ADGRL3: variants seen among roughly 807,000 people sequenced by gnomAD.
ADGRL3 encodes the protein adhesion G protein-coupled receptor L3.
Under a neutral mutation model 153.5 loss-of-function variants are expected in ADGRL3, and 62 were observed. The ratio of observed to expected loss-of-function variants is 0.40; its 90% CI spans 0.33 to 0.50. The LOEUF (loss-of-function observed/expected upper bound fraction) is 0.50, where lower values mean the gene tolerates loss of function less well. Among genes scored for constraint, ADGRL3 ranks in the 20% least tolerant of loss-of-function variants. The probability of loss-of-function intolerance (pLI) is 0.47; values close to 1 mark genes in which losing one functional copy is unlikely to be tolerated. For missense variants in ADGRL3, 1,641 were observed against 1,859.4 expected (o/e 0.88, Z 2.16); for synonymous variants, 710 against 672.5 (o/e 1.06, Z -0.86).
chr4:61,367,253 A>G (rs1369399669), intron 1 of ADGRL3, among the ~76,000 whole-genome samples: 1 of 150,610 alleles, frequency 6.6e-6, no homozygotes, highest in African/African-American at 2.4e-5. Flanking sequence ...TTTTATTATT[A>G]TACTTTAAGT....
chr4:61,563,083 A>G (rs1020523383), intron 4 of ADGRL3, among the ~76,000 whole-genome samples: 1 of 152,154 alleles, frequency 6.6e-6, no homozygotes, highest in Non-Finnish European at 1.5e-5. Context: ...ATATAACACT[A>G]AAATCTTATA....
intron 25 of ADGRL3, among the ~76,000 whole-genome samples, chr4:62,054,821 C>G (rs1008450370): frequency 6.6e-6 from 1 of 151,506 alleles, no homozygotes; most frequent in Non-Finnish European, 1.5e-5. Flanking sequence ...AAGATAAGAA[C>G]AGGCAACTCA....
At chr4:61,972,589 C>T (rs148675640) in intron 17 of ADGRL3, among the ~76,000 whole-genome samples, 4,614 of 152,130 alleles carry the variant, frequency 0.03, 181 homozygotes, top group East Asian at 0.18. Context: ...AGTCAGGTAG[C>T]GTGATGCCTC....
chr4:61,759,222 G>A (rs140441306), intron 8 of ADGRL3, among the ~76,000 whole-genome samples: 4,913 of 152,154 alleles, frequency 0.032, 242 homozygotes, highest in African/African-American at 0.11. Context: ...TTGGCCTGCC[G>A]TGCTAGGTTG....
intron 2 of ADGRL3, among the ~76,000 whole-genome samples, chr4:61,408,399 G>C (rs1342289237): frequency 3.3e-5 from 5 of 150,904 alleles, no homozygotes; most frequent in African/African-American, 1.2e-4. Flanking sequence ...GCCCATGGGG[G>C]TATTAGCTGC....
chr4:61,925,313 A>G (rs937384768), intron 13 of ADGRL3, among the ~76,000 whole-genome samples: 1 of 151,976 alleles, frequency 6.6e-6, no homozygotes, highest in Non-Finnish European at 1.5e-5. Context: ...TTGCCCCTCT[A>G]TTTTGTTAGT....
Position 61,985,644 on chromosome 4 carries a change from G to A in ADGRL3, c.3236+2041G>A, listed in dbSNP as rs571836361. 4.6e-5 allele frequency among the ~76,000 whole-genome samples: 7 copies of A among 152,206 alleles called. No homozygotes were observed. The East Asian group carries it at 5.8e-4, about 13-fold the overall frequency. ...AAGTGAGGATTCATAAAAAGGGAACGACAAGAAGAGGACGCCAGAATTATT... is the reference window on the plus strand; with the variant it reads ...AAGTGAGGATTCATAAAAAGGGAACAACAAGAAGAGGACGCCAGAATTATT... On this transcript the variant is annotated intron_variant, in intron 19 of 26. Coordinates refer to ENST00000683033, the MANE Select transcript of ADGRL3 (RefSeq NM_001387552.1).
chr4:61,767,142 G>A (rs572496700), intron 8 of ADGRL3, among the ~76,000 whole-genome samples: 27 of 151,968 alleles, frequency 1.8e-4, no homozygotes, highest in Admixed American at 3.9e-4. Context: ...TATACTTGTG[G>A]GTTAAGGTTG....
chr4:62,024,668 C>T (rs574353691), intron 21 of ADGRL3, among the ~76,000 whole-genome samples: 8 of 151,992 alleles, frequency 5.3e-5, no homozygotes, highest in Admixed American at 2.6e-4. Context: ...CGGTAGCTCA[C>T]GCCTGTAATC....
At chr4:61,514,921 C>A (rs751020493) in intron 3 of ADGRL3, among the ~76,000 whole-genome samples, 28 of 151,884 alleles carry the variant, frequency 1.8e-4, no homozygotes, top group Admixed American at 1.1e-3. Flanking sequence ...ATGCTTGATT[C>A]CATTGTTTAT....
Position 61,922,613 on chromosome 4 carries a change from C to T in ADGRL3, c.2112+9856C>T, listed in dbSNP as rs900115253. On this transcript the variant is annotated intron_variant, in intron 13 of 26. Coordinates refer to ENST00000683033, the MANE Select transcript of ADGRL3 (RefSeq NM_001387552.1). ...AGGCTGTGGCAGTTTTTCAGACTTTCCAACAAGTATGTCCTTTTCAAAGTC... is the reference window on the plus strand; with the variant it reads ...AGGCTGTGGCAGTTTTTCAGACTTTTCAACAAGTATGTCCTTTTCAAAGTC... Among the ~76,000 whole-genome samples, 21 of 152,234 alleles carry T rather than the reference C, an allele frequency of 1.4e-4. No homozygotes were observed. The East Asian group carries it at 4.1e-3, about 29-fold the overall frequency.
At chr4:61,676,990 T>C (rs550817254) in intron 6 of ADGRL3, 55 bp downstream of exon 6, 1 of 1,072,168 alleles carries the variant, frequency 9.3e-7, no homozygotes, top group East Asian at 2.4e-5. Flanking sequence ...AACTGTGTTT[T>C]GCATGCATTG....
In ADGRL3 at chr4:61,685,388, A is replaced by T. The variant is rs180673488; in HGVS notation, c.583+8453A>T. On this transcript the variant is annotated intron_variant, in intron 6 of 26. Coordinates refer to ENST00000683033, the MANE Select transcript of ADGRL3 (RefSeq NM_001387552.1). ...AATGAACACATGAACCAATACATGT[A>T]AATATCAAAGTTAATGTTAAAAAAA... is the stretch of plus-strand genomic sequence containing the variant. Among the ~76,000 whole-genome samples, 229 of 152,290 alleles carry T rather than the reference A, an allele frequency of 1.5e-3. 2 individuals carry two copies. Among genetic ancestry groups the T allele is most frequent in the African/African-American group, 5.1e-3 (212 of 41,570 alleles).
At chr4:61,960,053 C>G (rs2098982118) in intron 17 of ADGRL3, among the ~76,000 whole-genome samples, 1 of 152,102 alleles carries the variant, frequency 6.6e-6, no homozygotes, top group Admixed American at 6.5e-5. Flanking sequence ...TGAAAAGAAA[C>G]TGGTTTCAAA....
At chr4:61,473,930 T>A (rs2098006693) in intron 2 of ADGRL3, among the ~76,000 whole-genome samples, 1 of 152,008 alleles carries the variant, frequency 6.6e-6, no homozygotes, top group Non-Finnish European at 1.5e-5. Context: ...GGAGTGGATA[T>A]ACACCTGTGG....
intron 6 of ADGRL3, among the ~76,000 whole-genome samples, chr4:61,719,656 G>T (rs1057249480): frequency 6.8e-6 from 1 of 146,652 alleles, no homozygotes; most frequent in Non-Finnish European, 1.5e-5. Flanking sequence ...AGGCTAGAGT[G>T]CAGTGGCCAT....
intron 1 of ADGRL3, among the ~76,000 whole-genome samples, chr4:61,356,868 A>T (rs1460569714): frequency 6.6e-6 from 1 of 152,146 alleles, no homozygotes; most frequent in Non-Finnish European, 1.5e-5. Flanking sequence ...TGACACAACT[A>T]GTCAAAACAT....
intron 2 of ADGRL3, among the ~76,000 whole-genome samples, chr4:61,440,355 CT>C (rs2097513655): frequency 6.6e-6 from 1 of 152,122 alleles, no homozygotes. Context: ...GCCTATATTG[CT>C]TTTAATATAC....
At chr4:61,402,029 A>T (rs914633451) in intron 2 of ADGRL3, among the ~76,000 whole-genome samples, 5 of 152,232 alleles carry the variant, frequency 3.3e-5, no homozygotes, top group Admixed American at 3.3e-4. Context: ...AAACAAATGA[A>T]CATAGCTGTA....
Sources: allele counts gnomAD v4.1 joint callset (sites outside exome capture counted in the v4.1 genomes callset), GRCh38; gene constraint gnomAD v4.1.1; transcripts MANE v1.5; gene names NCBI Gene and HGNC (gene_info 2026-07-23, HGNC 2026-07-21).